The following PTPRK variants were observed in gnomAD, a reference collection of about 807,000 sequenced individuals.
PTPRK encodes the protein receptor-type tyrosine-protein phosphatase kappa.
A neutral mutation model predicts 178.0 loss-of-function variants in PTPRK; 75 were observed. The observed-to-expected ratio is 0.42, with a 90% CI of 0.35 to 0.51. PTPRK has a LOEUF of 0.51. Among genes scored for constraint, PTPRK ranks in the 20% least tolerant of loss-of-function variants. The pLI, the probability that PTPRK is intolerant of heterozygous loss-of-function variation, is 0.02. For missense variants in PTPRK, 1,441 were observed against 1,797.8 expected (o/e 0.80, Z 3.59); for synonymous variants, 637 against 620.6 (o/e 1.03, Z -0.39).
rs1819359918 is a variant in PTPRK at position 128,268,892 on chromosome 6, CAACACATAGGTAAATA to C, written c.496-26306_496-26291del. 2.0e-5 allele frequency among the ~76,000 whole-genome samples: 3 copies of C among 151,930 alleles called. 1 individual carries two copies. In the South Asian group the frequency reaches 6.2e-4, roughly 32 times the overall value. On this transcript the variant is annotated intron_variant, in intron 3 of 29. Coordinates refer to ENST00000368226, the MANE Select transcript of PTPRK (RefSeq NM_002844.4). ...CTAAAATGTTTCTTGATGAGTTTAC[CAACACATAGGTAAATA>C]AACACAGAGGATTTAAATATTCTAT...
At chr6:128,192,735 G>C (rs942231422) in intron 6 of PTPRK, among the ~76,000 whole-genome samples, 1 of 151,626 alleles carries the variant, frequency 6.6e-6, no homozygotes, top group African/African-American at 2.4e-5. Context: ...AAGATCACCT[G>C]AGCCTGGGAA....
intron 3 of PTPRK, among the ~76,000 whole-genome samples, chr6:128,301,766 T>C (rs918470173): frequency 9.9e-5 from 15 of 152,160 alleles, no homozygotes; most frequent in African/African-American, 3.4e-4. Flanking sequence ...TACTTTAGAG[T>C]TGGAGATCAT....
At chr6:128,248,819 A>G (rs1244903452) in intron 3 of PTPRK, among the ~76,000 whole-genome samples, 2 of 152,184 alleles carry the variant, frequency 1.3e-5, no homozygotes, top group African/African-American at 2.4e-5. Flanking sequence ...GGATCAAGGA[A>G]AGGTTCAACT....
At chr6:128,400,787 A>G (rs1484624297) in intron 1 of PTPRK, among the ~76,000 whole-genome samples, 1 of 152,230 alleles carries the variant, frequency 6.6e-6, no homozygotes, top group Admixed American at 6.5e-5. Flanking sequence ...ATAGTATTAC[A>G]TAAATCTATT....
chr6:128,089,712 T>C lies in PTPRK; in HGVS notation c.1443A>G (p.Thr481=). The change falls in exon 8 of 30, where the codon ACA becomes ACG. Residue 481 remains threonine, a synonymous_variant. Coordinates refer to ENST00000368226, the MANE Select transcript of PTPRK (RefSeq NM_002844.4). ...TACCATCTTCATCAGTTTGAATAAT[T>C]GTCTCTTCACTCTCCTTCCTTCCCT... ...NPEGRKESEE[T]IIQTDEDVPG... 6.2e-7 allele frequency: 1 copy of C among 1,612,380 alleles called. No individual in the cohort carries two copies. The highest frequency in any genetic ancestry group is 8.5e-7 in the Non-Finnish European group (1 of 1,178,390).
intron 13 of PTPRK, among the ~76,000 whole-genome samples, chr6:128,045,452 G>T (rs903632272): frequency 6.6e-6 from 1 of 151,884 alleles, no homozygotes; most frequent in African/African-American, 2.4e-5. Context: ...AAGAACTCAG[G>T]TAAAAGTTTT....
chr6:128,221,861 TC>T (rs1197354179), intron 5 of PTPRK, among the ~76,000 whole-genome samples: 2 of 151,894 alleles, frequency 1.3e-5, no homozygotes, highest in South Asian at 2.1e-4. Flanking sequence ...CAAAACTCTT[TC>T]CCTACAAACC....
At chr6:128,238,356 A>C (rs531438813) in intron 5 of PTPRK, among the ~76,000 whole-genome samples, 14 of 152,184 alleles carry the variant, frequency 9.2e-5, no homozygotes, top group East Asian at 3.9e-4. Flanking sequence ...AGCAAACAAA[A>C]AAAAAAAATG....
At chr6:128,435,682 G>A (rs116673407) in intron 1 of PTPRK, among the ~76,000 whole-genome samples, 1 of 152,176 alleles carries the variant, frequency 6.6e-6, no homozygotes, top group African/African-American at 2.4e-5. Flanking sequence ...AGAACTGTTA[G>A]AGACTTCTCT....
At chr6:128,370,786 T>A (rs1244297156) in intron 2 of PTPRK, among the ~76,000 whole-genome samples, 1 of 152,288 alleles carries the variant, frequency 6.6e-6, no homozygotes, top group African/African-American at 2.4e-5. Context: ...GATTAAAAGA[T>A]TCCCTTCATG....
In PTPRK at chr6:128,520,133, T is replaced by A. The variant is rs544524872; in HGVS notation, c.100+126A>T. ...TGGGGACAGCCCTCCCTCTACCCTG[T>A]GTTCCCCACCCCCGGACAGAGAGAG... On this transcript the variant is annotated intron_variant, in intron 1 of 29. Transcript: ENST00000368226. The A allele has an allele frequency of 1.0e-5, 8 of 787,948 alleles. No individual in the cohort carries two copies. In the African/African-American group the frequency reaches 1.4e-4, roughly 14 times the overall value. 48.8% of individuals were successfully genotyped at this position (787,948 alleles called of 1,614,324 possible). A position where few individuals can be genotyped will look rare whatever the true frequency, so the allele number is the denominator to read the frequency against.
chr6:128,175,728 A>G (rs984209290), intron 7 of PTPRK, among the ~76,000 whole-genome samples: 2 of 151,814 alleles, frequency 1.3e-5, no homozygotes, highest in African/African-American at 4.8e-5. Flanking sequence ...TCTAAATTCT[A>G]GTTGCAACAT....
At chr6:128,026,722 G>GTACTT (rs1237540497) in intron 13 of PTPRK, among the ~76,000 whole-genome samples, 3 of 152,018 alleles carry the variant, frequency 2.0e-5, no homozygotes, top group African/African-American at 7.2e-5. Context: ...TTTTTGTATA[G>GTACTT]TACTTTAAGG....
chr6:128,195,281 T>C (rs1357745277), intron 6 of PTPRK, among the ~76,000 whole-genome samples: 2 of 151,998 alleles, frequency 1.3e-5, no homozygotes, highest in Non-Finnish European at 2.9e-5. Flanking sequence ...TGAGTCTTTG[T>C]AACATACAAC....
chr6:128,271,603 G>A (rs1295781973), intron 3 of PTPRK, among the ~76,000 whole-genome samples: 1 of 152,062 alleles, frequency 6.6e-6, no homozygotes, highest in African/African-American at 2.4e-5. Context: ...ATCCCTACTG[G>A]CAGCCTGGCC....
chr6:128,220,506 C>T (rs1483223336), intron 5 of PTPRK, among the ~76,000 whole-genome samples: 1 of 152,118 alleles, frequency 6.6e-6, no homozygotes, highest in East Asian at 1.9e-4. Flanking sequence ...AATATCACTT[C>T]ATAGGGCTAT....
chr6:128,278,893 G>T (rs1821231619), intron 3 of PTPRK, among the ~76,000 whole-genome samples: 1 of 152,200 alleles, frequency 6.6e-6, no homozygotes, highest in African/African-American at 2.4e-5. Context: ...CTCATTTCAG[G>T]TCAGTGCTCT....
intron 1 of PTPRK, among the ~76,000 whole-genome samples, chr6:128,434,026 T>C (rs1845197391): frequency 6.6e-6 from 1 of 151,614 alleles, no homozygotes; most frequent in Non-Finnish European, 1.5e-5. Flanking sequence ...CGAGATAAGA[T>C]AATTTATCCT....
chr6:127,977,073 G>T lies in PTPRK; in HGVS notation c.3712-19C>A. 9.3e-6 allele frequency: 15 copies of T among 1,611,704 alleles called. No individual in the cohort carries two copies. The highest frequency in any genetic ancestry group is 1.3e-5 in the Non-Finnish European group (15 of 1,178,050). ...TGTAGCTCTGTGAAGAAACAAGGTA[G>T]ATGGAGAAATATAAAAACTTAAAAT... On this transcript the variant is annotated intron_variant, in intron 25 of 29. Transcript: ENST00000368226.
Sources: gnomAD v4.1 joint callset for allele counts (sites outside exome capture counted in the v4.1 genomes callset) on GRCh38, gnomAD v4.1.1 for gene constraint, MANE v1.5 for transcripts, NCBI Gene and HGNC (gene_info 2026-07-23, HGNC 2026-07-21) for gene names.